The following KIAA0825 variants were observed in gnomAD, a reference collection of about 807,000 sequenced individuals.
KIAA0825 encodes the protein KIAA0825, also known as uncharacterized protein KIAA0825.
Under a neutral mutation model 147.6 loss-of-function variants are expected in KIAA0825, and 119 were observed. The ratio of observed to expected loss-of-function variants is 0.81; its 90% CI spans 0.69 to 0.94. KIAA0825 has a LOEUF of 0.94. KIAA0825 is among the 40% of genes least tolerant of loss of function. The probability of loss-of-function intolerance (pLI) is 0.00; values close to 1 mark genes in which losing one functional copy is unlikely to be tolerated. For missense variants in KIAA0825, 1,381 were observed against 1,472.7 expected (o/e 0.94, Z 1.02); for synonymous variants, 470 against 518.1 (o/e 0.91, Z 1.26).
At chr5:94,483,583 TG>T (rs1013070902) in intron 6 of KIAA0825, among the ~76,000 whole-genome samples, 2 of 151,664 alleles carry the variant, frequency 1.3e-5, no homozygotes, top group South Asian at 2.1e-4. Context: ...TTGGTTTTTT[TG>T]GGGGGGTTTT....
At chr5:94,380,760 G>A (rs996281194) in intron 20 of KIAA0825, among the ~76,000 whole-genome samples, 2 of 152,210 alleles carry the variant, frequency 1.3e-5, no homozygotes, top group African/African-American at 2.4e-5. Flanking sequence ...GTGGGAAAGC[G>A]TTTAGAGAAT....
intron 20 of KIAA0825, among the ~76,000 whole-genome samples, chr5:94,293,249 G>C (rs895458122): frequency 6.6e-6 from 1 of 152,168 alleles, no homozygotes; most frequent in African/African-American, 2.4e-5. Flanking sequence ...TGGGCATTTA[G>C]TGCTATCAAT....
intron 20 of KIAA0825, among the ~76,000 whole-genome samples, chr5:94,214,151 C>T (rs149855004): frequency 4.6e-5 from 7 of 152,134 alleles, no homozygotes; most frequent in South Asian, 4.2e-4. Flanking sequence ...CCACTGCACC[C>T]GGCCCTGGAT....
At chr5:94,443,605 GTTTATGAAACTATTAAACTA>G (rs1388959991) in intron 13 of KIAA0825, among the ~76,000 whole-genome samples, 1 of 152,060 alleles carries the variant, frequency 6.6e-6, no homozygotes, top group Non-Finnish European at 1.5e-5. Flanking sequence ...AGCATTATTG[GTTTATGAAACTATTAAACTA>G]TTTTTATAAA....
chr5:94,363,137 G>T (rs1460800531), intron 20 of KIAA0825, among the ~76,000 whole-genome samples: 1 of 149,786 alleles, frequency 6.7e-6, no homozygotes, highest in Non-Finnish European at 1.5e-5. Context: ...TCAGGTAACT[G>T]ACTTATTTCC....
chr5:94,280,791 G>A (rs1335930890), intron 20 of KIAA0825, among the ~76,000 whole-genome samples: 1 of 152,074 alleles, frequency 6.6e-6, no homozygotes, highest in Admixed American at 6.6e-5. Flanking sequence ...GACTTCTGGT[G>A]CAGACGGTTA....
chr5:94,253,207 G>A (rs534477111), intron 20 of KIAA0825, among the ~76,000 whole-genome samples: 13 of 152,114 alleles, frequency 8.5e-5, no homozygotes, highest in Admixed American at 7.9e-4. Flanking sequence ...TTTTACATGT[G>A]GGAGATTTAA....
At chr5:94,522,802 G>A (rs538502778) in intron 4 of KIAA0825, among the ~76,000 whole-genome samples, 66 of 151,664 alleles carry the variant, frequency 4.4e-4, no homozygotes, top group Non-Finnish European at 8.3e-4. Context: ...AAACTAAGGC[G>A]GCCTTTGCCC....
rs1014004070 is a variant in KIAA0825 at position 94,403,621 on chromosome 5, T to C, written c.2835A>G (p.Pro945=). The change falls in exon 16 of 21, where the codon CCA becomes CCG. Residue 945 remains proline (P), a synonymous_variant. Transcript: ENST00000682413. ...CTTTTGGACTATAATTCCATTCCTT[T>C]GGCATGCTCTCAAGCAAACAATCAG... The part of the protein sequence containing the change: ...IVPDCLLESM[P]KEWNYSPKET... 4.5e-6 allele frequency: 7 copies of C among 1,551,584 alleles called. No homozygotes were observed. The South Asian group carries it at 4.8e-5, about 11-fold the overall frequency.
chr5:94,364,385 T>A (rs1459489705), intron 20 of KIAA0825, among the ~76,000 whole-genome samples: 2 of 151,668 alleles, frequency 1.3e-5, no homozygotes, highest in African/African-American at 4.8e-5. Flanking sequence ...GCTTCATTTC[T>A]TTTCTTTTTT....
chr5:94,332,810 C>T (rs932543598), intron 20 of KIAA0825, among the ~76,000 whole-genome samples: 2 of 152,154 alleles, frequency 1.3e-5, no homozygotes, highest in Non-Finnish European at 2.9e-5. Flanking sequence ...GCCACAATAT[C>T]TTCCATATTG....
intron 3 of KIAA0825, among the ~76,000 whole-genome samples, chr5:94,524,978 G>A (rs1356617870): frequency 3.3e-5 from 5 of 151,672 alleles, no homozygotes; most frequent in Admixed American, 2.0e-4. Flanking sequence ...AAATCTTTGT[G>A]GGGTAAACTG....
intron 1 of KIAA0825, among the ~76,000 whole-genome samples, chr5:94,611,550 A>G (rs540907973): frequency 5.9e-5 from 9 of 151,984 alleles, no homozygotes; most frequent in South Asian, 2.1e-4. Flanking sequence ...CTATGAAACT[A>G]TATTTTTACC....
At chr5:94,336,019 A>G (rs1162668266) in intron 20 of KIAA0825, among the ~76,000 whole-genome samples, 5 of 152,120 alleles carry the variant, frequency 3.3e-5, no homozygotes, top group Non-Finnish European at 7.4e-5. Flanking sequence ...ATAATTGTCT[A>G]CAGTTTCCAG....
At chr5:94,176,459 C>A (rs1397384324) in intron 20 of KIAA0825, among the ~76,000 whole-genome samples, 2 of 152,078 alleles carry the variant, frequency 1.3e-5, no homozygotes, top group Non-Finnish European at 2.9e-5. Context: ...CAGGTGGAGA[C>A]ACCCCCATCA....
chr5:94,502,630 G>T (rs1046135379), intron 5 of KIAA0825, among the ~76,000 whole-genome samples: 4 of 152,036 alleles, frequency 2.6e-5, no homozygotes, highest in South Asian at 2.1e-4. Context: ...ATGTATATTT[G>T]ATTTTTTAAT....
chr5:94,252,923 T>A (rs1219787277), intron 20 of KIAA0825, among the ~76,000 whole-genome samples: 1 of 152,066 alleles, frequency 6.6e-6, no homozygotes, highest in Non-Finnish European at 1.5e-5. Context: ...CGGTACAGAT[T>A]AATGTTTTCT....
chr5:94,263,018 C>A (rs952725197), intron 20 of KIAA0825, among the ~76,000 whole-genome samples: 2 of 152,074 alleles, frequency 1.3e-5, no homozygotes, highest in African/African-American at 4.8e-5. Context: ...AAGAGGTTCC[C>A]ATTGTCCTCT....
intron 2 of KIAA0825, among the ~76,000 whole-genome samples, chr5:94,563,887 T>C (rs1469669640): frequency 1.3e-5 from 2 of 152,132 alleles, no homozygotes; most frequent in African/African-American, 4.8e-5. Context: ...GGTTTCACCA[T>C]GTTGGCAAGA....
Sources: allele counts gnomAD v4.1 joint callset (sites outside exome capture counted in the v4.1 genomes callset), GRCh38; gene constraint gnomAD v4.1.1; transcripts MANE v1.5; gene names NCBI Gene and HGNC (gene_info 2026-07-23, HGNC 2026-07-21).